SH3KBP1: variants seen among roughly 807,000 people sequenced by gnomAD.
The protein encoded by SH3KBP1 is SH3 domain-containing kinase-binding protein 1.
Under a neutral mutation model 50.1 loss-of-function variants are expected in SH3KBP1, and 8 were observed. The ratio of observed to expected loss-of-function variants is 0.16; its 90% CI spans 0.09 to 0.29. SH3KBP1 has a LOEUF of 0.29. SH3KBP1 is among the 10% of genes least tolerant of loss of function. The pLI is 1.00. For synonymous variants in SH3KBP1, 227 were observed against 218.6 expected (o/e 1.04, Z -0.34); for missense variants, 377 against 535.2 (o/e 0.70, Z 2.92).
rs762093633 is a variant in SH3KBP1, at chrX:19,789,945, G to C, written c.163-43504C>G. Among the ~76,000 whole-genome samples, 9 of 109,935 alleles carry C rather than the reference G, an allele frequency of 8.2e-5. No individual in the cohort carries two copies. The East Asian group carries it at 2.6e-3, about 31-fold the overall frequency. On this transcript the variant is annotated intron_variant, in intron 2 of 17. Transcript: ENST00000397821. The stretch of plus-strand genomic sequence containing the variant: ...TTTGTTCCCTTTTTAAGACTCTCTC[G>C]AGGTCATCCCCTGGGAAAGGCCAGG...
intron 1 of SH3KBP1, among the ~76,000 whole-genome samples, chrX:19,881,279 G>T (rs1262842339): frequency 1.8e-5 from 2 of 111,928 alleles, no homozygotes; most frequent in Non-Finnish European, 3.8e-5. Context: ...GTCAATTCCA[G>T]AGCCACTTAG....
chrX:19,686,509 T>C (rs1374082025), intron 5 of SH3KBP1, among the ~76,000 whole-genome samples: 1 of 111,007 alleles, frequency 9.0e-6, no homozygotes, highest in African/African-American at 3.3e-5. Context: ...GGCGATGCTT[T>C]AGTGTTTTAA....
chrX:19,672,602 A>G (rs745950101), intron 6 of SH3KBP1, among the ~76,000 whole-genome samples: 53 of 112,368 alleles, frequency 4.7e-4, no homozygotes, highest in African/African-American at 1.6e-3. Flanking sequence ...TACAAAACTG[A>G]AAATTGCCAT....
Position 19,594,934 on chromosome X carries a change from T to C in SH3KBP1, c.1057+15A>G, listed in dbSNP as rs1409044938. ...AGACGCATATTTTATTTGATGGAACTGAAAGGTACATTACCTGCCCCTTGT... is the reference window on the plus strand; with the variant it reads ...AGACGCATATTTTATTTGATGGAACCGAAAGGTACATTACCTGCCCCTTGT... On this transcript the variant is annotated intron_variant, in intron 10 of 17. Transcript: ENST00000397821. The C allele has an allele frequency of 8.6e-7, 1 of 1,163,322 alleles. No homozygotes were observed. The highest frequency in any genetic ancestry group is 1.2e-6 in the Non-Finnish European group (1 of 851,513).
At chrX:19,595,907 T>C (rs1221341986) in intron 9 of SH3KBP1, among the ~76,000 whole-genome samples, 2 of 112,058 alleles carry the variant, frequency 1.8e-5, no homozygotes, top group Non-Finnish European at 3.8e-5. Flanking sequence ...TTCTGTATTG[T>C]CTCTATGAGT....
At chrX:19,784,169 T>G (rs1047282085) in intron 2 of SH3KBP1, among the ~76,000 whole-genome samples, 7 of 112,048 alleles carry the variant, frequency 6.2e-5, no homozygotes, top group African/African-American at 2.3e-4. Context: ...TCCTTTCTTA[T>G]CAGCATTTTT....
At chrX:19,811,115 A>G (rs1297444776) in intron 2 of SH3KBP1, among the ~76,000 whole-genome samples, 1 of 111,889 alleles carries the variant, frequency 8.9e-6, no homozygotes, top group Non-Finnish European at 1.9e-5. Context: ...TTCCAGTTTC[A>G]AGACCGGGGG....
chrX:19,870,934 G>A (rs2069025322), intron 1 of SH3KBP1, among the ~76,000 whole-genome samples: 1 of 111,723 alleles, frequency 9.0e-6, no homozygotes, highest in South Asian at 3.7e-4. Flanking sequence ...TCATGGTAGT[G>A]GGTTTAAGGC....
At chrX:19,605,399 T>A (rs747227152) in intron 9 of SH3KBP1, among the ~76,000 whole-genome samples, 105 of 111,842 alleles carry the variant, frequency 9.4e-4, no homozygotes, top group African/African-American at 3.1e-3. Flanking sequence ...TAAAAAAACA[T>A]ACTGCCTCAA....
intron 3 of SH3KBP1, among the ~76,000 whole-genome samples, chrX:19,736,803 G>A (rs1218113306): frequency 9.0e-6 from 1 of 111,413 alleles, no homozygotes; most frequent in Non-Finnish European, 1.9e-5. Flanking sequence ...ATAATTAGAA[G>A]AAAATGCCCC....
chrX:19,879,950 G>T (rs1042771886), intron 1 of SH3KBP1, among the ~76,000 whole-genome samples: 1 of 112,238 alleles, frequency 8.9e-6, no homozygotes, highest in Admixed American at 9.4e-5. Context: ...GGGGCGGCTG[G>T]CCTGTGCATC....
chrX:19,688,461 T>A lies in SH3KBP1; in HGVS notation c.521-4433A>T, dbSNP rs1054697412. Among the ~76,000 whole-genome samples, 15 of 111,859 alleles carry A rather than the reference T, an allele frequency of 1.3e-4. No homozygotes were observed. In the Admixed American group the frequency reaches 1.4e-3, roughly 11 times the overall value. On this transcript the variant is annotated intron_variant, in intron 5 of 17. Coordinates refer to ENST00000397821, the MANE Select transcript of SH3KBP1 (RefSeq NM_031892.3). ...CACAGGACTCACCCAGTGTCAAATG[T>A]CAAATTATCTTTTTTTGCTGTTACA... is the stretch of plus-strand genomic sequence containing the variant.
intron 2 of SH3KBP1, among the ~76,000 whole-genome samples, chrX:19,760,116 G>A (rs1295272804): frequency 2.0e-5 from 2 of 102,407 alleles, no homozygotes; most frequent in Non-Finnish European, 3.9e-5. Flanking sequence ...GGCTGGGCGC[G>A]GTGGCTCACA....
At chrX:19,643,369 A>AG (rs1467189322) in intron 7 of SH3KBP1, among the ~76,000 whole-genome samples, 2 of 85,152 alleles carry the variant, frequency 2.3e-5, no homozygotes, top group African/African-American at 9.8e-5. Flanking sequence ...ACCCTGCTGG[A>AG]GTGCAATGGT....
At chrX:19,568,630 C>T (rs1055637673) in intron 13 of SH3KBP1, among the ~76,000 whole-genome samples, 4 of 111,694 alleles carry the variant, frequency 3.6e-5, no homozygotes, top group Non-Finnish European at 7.5e-5. Flanking sequence ...TCCCATTTAT[C>T]ACATGGTGGT....
At chrX:19,654,060 C>T (rs1208224164) in intron 6 of SH3KBP1, among the ~76,000 whole-genome samples, 10 of 111,508 alleles carry the variant, frequency 9.0e-5, no homozygotes. Flanking sequence ...TATCATTCTA[C>T]TGAACATATA....
chrX:19,701,190 T>C (rs2063527980), intron 4 of SH3KBP1, among the ~76,000 whole-genome samples: 1 of 111,515 alleles, frequency 9.0e-6, no homozygotes, highest in Non-Finnish European at 1.9e-5. Flanking sequence ...TACTAAGGTC[T>C]TTCTATCATT....
chrX:19,650,698 T>C (rs932334941), intron 6 of SH3KBP1, among the ~76,000 whole-genome samples: 3 of 112,613 alleles, frequency 2.7e-5, no homozygotes, highest in Non-Finnish European at 5.6e-5. Context: ...CACTGGTATC[T>C]GAGAGGATTC....
chrX:19,800,155 A>T (rs2147230402), intron 2 of SH3KBP1, among the ~76,000 whole-genome samples: 1 of 112,173 alleles, frequency 8.9e-6, no homozygotes, highest in South Asian at 3.7e-4. Context: ...CGTTCTCACC[A>T]TTACGAGCTG....
Sources: allele counts gnomAD v4.1 joint callset (sites outside exome capture counted in the v4.1 genomes callset), GRCh38; gene constraint gnomAD v4.1.1; transcripts MANE v1.5; gene names NCBI Gene and HGNC (gene_info 2026-07-23, HGNC 2026-07-21).